Variants in SPECC1 observed in about 807,000 individuals in gnomAD.
The protein encoded by SPECC1 is cytospin-B.
In SPECC1, 62 loss-of-function variants were observed where a neutral mutation model predicts 104.1. The observed-to-expected ratio is 0.60, with a 90% CI of 0.49 to 0.74. The LOEUF is 0.74. SPECC1 is among the 30% of genes least tolerant of loss of function. The pLI is 0.00. For missense variants in SPECC1, 1,306 were observed against 1,310.5 expected (o/e 1.00, Z 0.05); for synonymous variants, 513 against 501.6 (o/e 1.02, Z -0.30).
At chr17:20,194,972 T>C (rs1037155736) in intron 3 of SPECC1, among the ~76,000 whole-genome samples, 9 of 152,298 alleles carry the variant, frequency 5.9e-5, no homozygotes, top group African/African-American at 2.2e-4. Context: ...TATAAATAGC[T>C]CAAAAGGAAA....
At chr17:20,310,122 C>G (rs1300871543) in intron 14 of SPECC1, among the ~76,000 whole-genome samples, 2 of 152,018 alleles carry the variant, frequency 1.3e-5, no homozygotes, top group Admixed American at 1.3e-4. Flanking sequence ...GTGCCCGGCC[C>G]TTTATCCAGT....
At chr17:20,040,840 A>G (rs912694495) in intron 1 of SPECC1, among the ~76,000 whole-genome samples, 3 of 152,282 alleles carry the variant, frequency 2.0e-5, no homozygotes, top group South Asian at 2.1e-4. Context: ...TTTCGAATCT[A>G]TAGGTTTATG....
intron 3 of SPECC1, among the ~76,000 whole-genome samples, chr17:20,148,396 C>T (rs1037924654): frequency 1.3e-5 from 2 of 152,092 alleles, no homozygotes; most frequent in Non-Finnish European, 2.9e-5. Flanking sequence ...CACACTACCA[C>T]ACTTGGCTGA....
At chr17:20,258,690 C>G (rs982730090) in intron 11 of SPECC1, among the ~76,000 whole-genome samples, 1 of 152,234 alleles carries the variant, frequency 6.6e-6, no homozygotes, top group African/African-American at 2.4e-5. Context: ...GATTGCAAGT[C>G]TTTATGTATA....
At chr17:20,199,941 G>T (rs2036303530) in intron 3 of SPECC1, among the ~76,000 whole-genome samples, 1 of 151,998 alleles carries the variant, frequency 6.6e-6, no homozygotes, top group African/African-American at 2.4e-5. Context: ...AGGCGTTTGT[G>T]GCACCACCGC....
chr17:20,117,397 C>A (rs1173775054), intron 3 of SPECC1, among the ~76,000 whole-genome samples: 1 of 152,084 alleles, frequency 6.6e-6, no homozygotes, highest in African/African-American at 2.4e-5. Flanking sequence ...AATGTACTTA[C>A]ATAAATATAA....
chr17:20,086,015 T>C (rs536972694), intron 1 of SPECC1, among the ~76,000 whole-genome samples: 8 of 152,224 alleles, frequency 5.3e-5, no homozygotes, highest in Non-Finnish European at 8.8e-5. Flanking sequence ...AGCAAATGAA[T>C]AGGCCTAGCT....
chr17:20,120,068 C>A lies in SPECC1; in HGVS notation c.283+9506C>A, dbSNP rs1378933202. The stretch of plus-strand genomic sequence containing the variant: ...GAGCATTTTGGATAAGGGATACTCA[C>A]CCTGTAGTAATAAGCTTGGGTTTTA... On this transcript the variant is annotated intron_variant, in intron 3 of 14. Coordinates refer to ENST00000395527, the MANE Select transcript of SPECC1 (RefSeq NM_001243439.2). 3.9e-5 allele frequency among the ~76,000 whole-genome samples: 6 copies of A among 152,298 alleles called. No homozygotes were observed. The East Asian group carries it at 1.2e-3, about 29-fold the overall frequency.
At chr17:20,210,507 G>A (rs1010815268) in intron 4 of SPECC1, among the ~76,000 whole-genome samples, 4 of 152,236 alleles carry the variant, frequency 2.6e-5, no homozygotes, top group African/African-American at 9.6e-5. Context: ...TGGGGAGAGG[G>A]TTTCCCAGAG....
At chr17:20,023,023 A>C (rs987435832) in intron 1 of SPECC1, among the ~76,000 whole-genome samples, 2 of 152,238 alleles carry the variant, frequency 1.3e-5, no homozygotes, top group African/African-American at 4.8e-5. Context: ...GCCAAAAAAA[A>C]CCAAACAAAC....
intron 3 of SPECC1, among the ~76,000 whole-genome samples, chr17:20,182,270 T>G (rs1367234729): frequency 1.3e-5 from 2 of 151,970 alleles, no homozygotes; most frequent in African/African-American, 4.8e-5. Context: ...CACACCACCA[T>G]GTCCCGCTAA....
chr17:20,087,676 CTTA>C (rs2047228518), intron 1 of SPECC1, among the ~76,000 whole-genome samples: 1 of 152,066 alleles, frequency 6.6e-6, no homozygotes, highest in Non-Finnish European at 1.5e-5. Flanking sequence ...TTGTTGAACA[CTTA>C]TTATGTGCCA....
chr17:20,195,749 G>T (rs1025988473), intron 3 of SPECC1, among the ~76,000 whole-genome samples: 1 of 152,094 alleles, frequency 6.6e-6, no homozygotes, highest in Non-Finnish European at 1.5e-5. Context: ...AGTAGAGATA[G>T]AGTTTTGCCA....
At chr17:20,055,242 C>T (rs1192038257) in intron 1 of SPECC1, among the ~76,000 whole-genome samples, 2 of 147,862 alleles carry the variant, frequency 1.4e-5, no homozygotes, top group Non-Finnish European at 3.0e-5. Context: ...TTCATCCATG[C>T]TGTTGCATGT....
At chr17:20,181,353 C>G (rs892721026) in intron 3 of SPECC1, among the ~76,000 whole-genome samples, 5 of 151,856 alleles carry the variant, frequency 3.3e-5, no homozygotes, top group African/African-American at 1.2e-4. Context: ...AAGAACAACA[C>G]TAGTTCTTTG....
intron 7 of SPECC1, chr17:20,237,042 C>A: frequency 1.3e-6 from 2 of 1,484,016 alleles, no homozygotes; most frequent in Non-Finnish European, 8.9e-7. Flanking sequence ...TCATTGCCGT[C>A]GAGTCTCTGC....
intron 3 of SPECC1, chr17:20,112,731 A>G (rs552331768): frequency 5.8e-6 from 7 of 1,210,968 alleles, no homozygotes; most frequent in Admixed American, 1.7e-5. Flanking sequence ...CTTAAAGCCA[A>G]TTTAGAAGGT....
chr17:20,275,383 T>G (rs2040542847), intron 12 of SPECC1, among the ~76,000 whole-genome samples: 1 of 152,208 alleles, frequency 6.6e-6, no homozygotes, highest in South Asian at 2.1e-4. Context: ...GTTATGATGT[T>G]AGTGAGCTCT....
intron 1 of SPECC1, among the ~76,000 whole-genome samples, chr17:20,029,259 A>C (rs570248227): frequency 6.6e-6 from 1 of 151,990 alleles, no homozygotes; most frequent in Non-Finnish European, 1.5e-5. Flanking sequence ...GAGTGTTTTT[A>C]TTCTTTTTGA....
Sources: allele counts gnomAD v4.1 joint callset (sites outside exome capture counted in the v4.1 genomes callset), GRCh38; gene constraint gnomAD v4.1.1; transcripts MANE v1.5; gene names NCBI Gene and HGNC (gene_info 2026-07-23, HGNC 2026-07-21).